MYO15A: variants seen among roughly 807,000 people sequenced by gnomAD.
MYO15A encodes the protein myosin XVA.
MYO15A carries 308 observed loss-of-function variants against 394.6 expected under a neutral mutation model. That is an observed-to-expected ratio of 0.78 (90% CI 0.71 to 0.86). The LOEUF is 0.86. MYO15A is among the 40% of genes least tolerant of loss of function. MYO15A has a pLI of 0.00. For synonymous variants in MYO15A, 1,957 were observed against 2,003.8 expected, an observed-to-expected ratio of 0.98 and a Z score of 0.62; for missense variants, 4,606 against 4,799.1, an observed-to-expected ratio of 0.96 and a Z score of 1.19.
At chr17:18,113,255 G>C (rs913238349) in intron 1 of MYO15A, among the ~76,000 whole-genome samples, 1 of 152,062 alleles carries the variant, frequency 6.6e-6, no homozygotes, top group African/African-American at 2.4e-5. Flanking sequence ...TGGCTCAAGC[G>C]ATCCTCCCAC....
In MYO15A at chr17:18,152,179, C is replaced by T. The variant is rs200355614; in HGVS notation, c.7961C>T (p.Thr2654Ile). 1.2e-5 allele frequency: 18 copies of T among 1,550,330 alleles called. No individual in the cohort carries two copies. The East Asian group carries it at 2.7e-4, about 23-fold the overall frequency. Residue 2654 changes from threonine (T) to isoleucine (I), a missense_variant, in exon 42 of 66, where the codon ACT becomes ATT. By Grantham distance (89) the Thr-to-Ile change is moderately conservative. Around this residue, in one of 2 missense-constraint regions of MYO15A, gnomAD observed 2,776 missense variants for 3,109.3 expected, o/e 0.89. Transcript: ENST00000647165. ...TSAPRPSMAPTSALPSRSLEP... is the reference protein window; with the variant it reads ...TSAPRPSMAPISALPSRSLEP... The stretch of plus-strand genomic sequence containing the variant: ...GCACCAAGGCCATCCATGGCACCCA[C>T]TTCAGGTGAGAGGGCCAGGAGGGAG...
rs1013153984 is a variant in MYO15A at position 18,154,861 on chromosome 17, C to T, written c.8224+106C>T. The T allele has an allele frequency of 5.4e-6, 7 of 1,295,426 alleles. No homozygotes were observed. In the African/African-American group the frequency reaches 7.3e-5, roughly 14 times the overall value. 80.2% of individuals were successfully genotyped at this position (1,295,426 alleles called of 1,614,324 possible). On this transcript the variant is annotated intron_variant, in intron 45 of 65. Coordinates refer to ENST00000647165, the MANE Select transcript of MYO15A (RefSeq NM_016239.4). ...CTGACAAGCCCAGGCCCACCATCTC[C>T]CAGACATGTGCCTCCTTGCTCTGCT...
Position 18,121,012 on chromosome 17 carries a change from T to C in MYO15A, c.2212T>C (p.Phe738Leu). Residue 738 changes from phenylalanine (F) to leucine (L), a missense_variant, in exon 2 of 66, where the codon TTC becomes CTC. By Grantham distance (22) the Phe-to-Leu change is conservative (BLOSUM62 0). Around this residue, in one of 2 missense-constraint regions of MYO15A, gnomAD observed 1,830 missense variants for 1,689.7 expected, o/e 1.08. Coordinates refer to ENST00000647165, the MANE Select transcript of MYO15A (RefSeq NM_016239.4). This position sits in a 1 kb window ranked among gnomAD's most constrained non-coding sequence, Gnocchi z 5.3. ...SPEVPPDLLA[F>L]PGPRPSFRGS... ...GGAGGTGCCCCCCGACCTACTAGCC[T>C]TCCCAGGGCCCCGACCCTCGTTCAG... 1 of 1,508,664 alleles carries C rather than the reference T, an allele frequency of 6.6e-7. No individual in the cohort carries two copies. The highest frequency in any genetic ancestry group is 8.8e-7 in the Non-Finnish European group (1 of 1,133,540). The allele number at this position is 1,508,664 out of a possible 1,614,324, so 93.5% of individuals were successfully genotyped here.
chr17:18,156,657 C>T (rs1248119237), intron 48 of MYO15A, among the ~76,000 whole-genome samples: 1 of 152,228 alleles, frequency 6.6e-6, no homozygotes, highest in East Asian at 1.9e-4. Context: ...TCCTGACTGG[C>T]AGCCCCCAGG....
At chr17:18,109,389 C>T (rs374684160) in intron 1 of MYO15A, 9 of 171,306 alleles carry the variant, frequency 5.3e-5, no homozygotes, top group African/African-American at 1.6e-4. Flanking sequence ...GATCTGTGTG[C>T]GCGTGGATCA....
rs772104371 is a variant in MYO15A, at chr17:18,119,797, G to A, written c.997G>A (p.Glu333Lys). 19 of 1,613,092 alleles carry A rather than the reference G, an allele frequency of 1.2e-5. No individual in the cohort carries two copies. The highest frequency in any genetic ancestry group is 8.0e-5 in the African/African-American group (6 of 75,028). ...SSPYSYHDGY[E>K]GEAHPYGYYL... Reference sequence around the variant, plus strand: ...TCCTTACAGCTACCACGATGGGTACGAGGGCGAGGCGCACCCTTATGGCTA... The same window carrying A: ...TCCTTACAGCTACCACGATGGGTACAAGGGCGAGGCGCACCCTTATGGCTA... The change falls in exon 2 of 66, where the codon GAG becomes AAG. Residue 333 changes from glutamate (E) to lysine (K), a missense_variant. Glu to Lys is a moderately conservative substitution (Grantham distance 56). Coordinates refer to ENST00000647165, the MANE Select transcript of MYO15A (RefSeq NM_016239.4).
At chr17:18,157,931 G>GGGGGGGGGGGGGGC in intron 51 of MYO15A, 31 bp downstream of exon 51, 1 of 412,696 alleles carries the variant, frequency 2.4e-6, no homozygotes, top group Non-Finnish European at 4.5e-6. Context: ...GTGGGGCGGG[G>GGGGGGGGGGGGGGC]TAGACCAGGG....
At chr17:18,166,614 C>T in intron 61 of MYO15A, 93 bp downstream of exon 61, 1 of 1,525,392 alleles carries the variant, frequency 6.6e-7, no homozygotes, top group South Asian at 1.1e-5. Context: ...TTGAAGTGTT[C>T]ATGATTCAGG....
intron 65 of MYO15A, 95 bp downstream of exon 65, chr17:18,174,016 A>T: frequency 6.7e-7 from 1 of 1,501,968 alleles, no homozygotes; most frequent in East Asian, 2.4e-5. Flanking sequence ...CCCAGGGAGT[A>T]TCCAGGCCAG....
At chr17:18,167,873 T>C (rs1597820955) in intron 62 of MYO15A, 150 bp downstream of exon 62, 1 of 1,311,912 alleles carries the variant, frequency 7.6e-7, no homozygotes, top group Admixed American at 2.0e-5. Context: ...TGTCCTTGCC[T>C]GGGGGCTGAA....
intron 22 of MYO15A, 44 bp from the exon 23 acceptor site, chr17:18,141,609 G>T (rs775788851): frequency 6.4e-7 from 1 of 1,572,738 alleles, no homozygotes; most frequent in Non-Finnish European, 8.7e-7. Flanking sequence ...CAGACACCTC[G>T]GGTAGGTCTC....
chr17:18,131,631 T>G, intron 10 of MYO15A, 100 bp downstream of exon 10: 1 of 1,390,246 alleles, frequency 7.2e-7, no homozygotes, highest in Non-Finnish European at 1.0e-6. Flanking sequence ...AGACGTCAAA[T>G]TAATGAACGA....
chr17:18,178,327 G>A (rs935732583), intron 65 of MYO15A: 9 of 286,070 alleles, frequency 3.1e-5, no homozygotes, highest in Non-Finnish European at 5.6e-5. Flanking sequence ...CCGAGATCGC[G>A]CCATTGCACT....
In MYO15A at chr17:18,147,012, A is replaced by G. The variant is rs2046493157; in HGVS notation, c.6509+905A>G. On this transcript the variant is annotated intron_variant, in intron 30 of 65. Coordinates refer to ENST00000647165, the MANE Select transcript of MYO15A (RefSeq NM_016239.4). This position sits in a 1 kb window ranked among gnomAD's most constrained non-coding sequence, Gnocchi z 4.4. ...ATATAAACACACGTAAAGTGCTTAG[A>G]ACAGAGAGGGGCACATGGTAGGTGC... is the stretch of plus-strand genomic sequence containing the variant. Among the ~76,000 whole-genome samples, 3 of 152,338 alleles carry G rather than the reference A, an allele frequency of 2.0e-5. No individual in the cohort carries two copies. Among genetic ancestry groups the G allele is most frequent in the South Asian group, 4.1e-4 (2 of 4,832 alleles).
chr17:18,124,024 C>T (rs548181417), intron 2 of MYO15A: 4 of 233,972 alleles, frequency 1.7e-5, no homozygotes, highest in South Asian at 6.7e-5. Context: ...CAGGTGTCCA[C>T]GCATTTTCCC....
chr17:18,156,857 G>A (rs1284964833), intron 48 of MYO15A, 97 bp from the exon 49 acceptor site: 1 of 1,088,896 alleles, frequency 9.2e-7, no homozygotes, highest in East Asian at 2.4e-5. Flanking sequence ...TCCCTTCCCT[G>A]ATGAGTCAGG....
chr17:18,150,776 G>A lies in MYO15A; in HGVS notation c.7395+11G>A, dbSNP rs1220089247. ...CAGGCCGTGCTGCTGGTGAGTGAGG[G>A]AGGGACTGCTGGGGGGTGGAGAATG... On this transcript the variant is annotated intron_variant, in intron 37 of 65. Transcript: ENST00000647165. The surrounding 1 kb of genome is among the most constrained non-coding windows in gnomAD (Gnocchi z 4.4). The A allele has an allele frequency of 1.3e-6, 2 of 1,581,956 alleles. No individual in the cohort carries two copies. The highest frequency in any genetic ancestry group is 2.3e-5 in the East Asian group (1 of 43,200).
At position 18,122,000 on chromosome 17, in the gene MYO15A, C is replaced by T. The variant is rs756457030; in HGVS notation, c.3200C>T (p.Ala1067Val). 1.3e-5 allele frequency: 21 copies of T among 1,613,156 alleles called. No homozygotes were observed. Among genetic ancestry groups the T allele is most frequent in the South Asian group, 5.5e-5 (5 of 91,090 alleles). ...CCCAGCCTCTCATACCCACTGGCTG[C>T]GTGTGACCAGACCAGGGCCACATGG... is the stretch of plus-strand genomic sequence containing the variant. ...LRPSLSYPLA[A>V]CDQTRATWPP... Residue 1067 changes from alanine (A) to valine (V), a missense_variant, in exon 2 of 66, where the codon GCG becomes GTG. Transcript: ENST00000647165. The surrounding 1 kb of genome is among the most constrained non-coding windows in gnomAD (Gnocchi z 5.3).
At chr17:18,136,717 GGACA>G in intron 15 of MYO15A, 31 bp downstream of exon 15, 1 of 1,567,618 alleles carries the variant, frequency 6.4e-7, no homozygotes, top group Non-Finnish European at 8.6e-7. Context: ...GAGGGGCGGG[GGACA>G]TAGGCAAGGT....
Sources: allele counts gnomAD v4.1 joint callset (sites outside exome capture counted in the v4.1 genomes callset), GRCh38; gene constraint gnomAD v4.1.1; regional missense constraint gnomAD v4.1.1; non-coding constraint Gnocchi (gnomAD v3.1); transcripts MANE v1.5; gene names NCBI Gene and HGNC (gene_info 2026-07-23, HGNC 2026-07-21).